Variants in AKNAD1 observed in about 807,000 individuals in gnomAD.
The protein encoded by AKNAD1 is protein AKNAD1.
In AKNAD1, 67 loss-of-function variants were observed where a neutral mutation model predicts 90.8. That is an observed-to-expected ratio of 0.74 (90% CI 0.61 to 0.90). The LOEUF is 0.90. Among genes scored for constraint, AKNAD1 ranks in the 40% least tolerant of loss-of-function variants. AKNAD1 has a pLI of 0.00. For synonymous variants in AKNAD1, 327 were observed against 341.4 expected (o/e 0.96, Z 0.46); for missense variants, 957 against 975.4 (o/e 0.98, Z 0.25).
chr1:108,817,489 T>A (rs1479174275), intron 14 of AKNAD1: 1 of 134,806 alleles, frequency 7.4e-6, no homozygotes, highest in African/African-American at 2.9e-5. Context: ...TTTCTTTTTT[T>A]TTTTTTAATT....
At chr1:108,856,658 A>G (rs549600189) in intron 1 of AKNAD1, among the ~76,000 whole-genome samples, 167 of 152,218 alleles carry the variant, frequency 1.1e-3, no homozygotes, top group African/African-American at 3.3e-3. Context: ...GTGAGCAGAG[A>G]TCATGCCACT....
chr1:108,826,700 A>G (rs1182973574), intron 11 of AKNAD1, among the ~76,000 whole-genome samples: 1 of 146,856 alleles, frequency 6.8e-6, no homozygotes, highest in Admixed American at 6.8e-5. Flanking sequence ...ACTTAACCAC[A>G]TCTTATTGAA....
chr1:108,833,055 G>A (rs1362812585), intron 9 of AKNAD1, among the ~76,000 whole-genome samples: 4 of 151,976 alleles, frequency 2.6e-5, no homozygotes, highest in Non-Finnish European at 4.4e-5. Flanking sequence ...TCAAAGAACT[G>A]GAAAAAACTA....
Position 108,848,780 on chromosome 1 carries a change from G to A in AKNAD1, c.1217C>T (p.Ser406Phe), listed in dbSNP as rs576852391. The change falls in exon 5 of 16, where the codon TCT (serine) becomes TTT (phenylalanine). Residue 406 changes from serine (S) to phenylalanine (F), a missense_variant. Physicochemically the swap from Ser to Phe is radical, Grantham distance 155. Coordinates refer to ENST00000370001, the MANE Select transcript of AKNAD1 (RefSeq NM_152763.5). Reference protein sequence around the residue: ...QEFSKRIKQDSPYHLQDKKLV... With the variant: ...QEFSKRIKQDFPYHLQDKKLV... The stretch of plus-strand genomic sequence containing the variant: ...CTTCTTGTCTTGCAAATGGTAAGGA[G>A]AGTCCTGTTTTATTCTTTTGGAAAA... 42 of 1,610,144 alleles carry A rather than the reference G, an allele frequency of 2.6e-5. No individual in the cohort carries two copies. The South Asian group carries it at 4.5e-4, about 17-fold the overall frequency.
At chr1:108,846,960 G>A (rs575378221) in intron 5 of AKNAD1, among the ~76,000 whole-genome samples, 1 of 152,046 alleles carries the variant, frequency 6.6e-6, no homozygotes, top group East Asian at 1.9e-4. Flanking sequence ...GCTCATCCAA[G>A]CCTCTTCCCT....
At position 108,834,910 on chromosome 1, in the gene AKNAD1, C is replaced by T. The variant is rs778408984; in HGVS notation, c.1664+19G>A. On this transcript the variant is annotated intron_variant, in intron 8 of 15. Transcript: ENST00000370001. ...TTTCTGTGTCCTGTGTCTGCTGGGG[C>T]TCCAGGGCTAGGACTCACGTCTGCG... 7 of 1,514,882 alleles carry T rather than the reference C, an allele frequency of 4.6e-6. No homozygotes were observed. The highest frequency in any genetic ancestry group is 5.3e-6 in the Non-Finnish European group (6 of 1,139,332). The allele number at this position is 1,514,882 out of a possible 1,614,324, so 93.8% of individuals were successfully genotyped here.
At position 108,852,183 on chromosome 1, in the gene AKNAD1, G is replaced by A; in HGVS notation, c.482C>T (p.Pro161Leu). ...IISCYNKNSWPKEQTPELTDQ... is the reference protein window; with the variant it reads ...IISCYNKNSWLKEQTPELTDQ... ...AGTGAGTTCTGGGGTTTGTTCTTTT[G>A]GCCAAGAATTCTTATTATAACATGA... The change falls in exon 2 of 16, where the codon CCA (proline) becomes CTA (leucine). Residue 161 changes from proline (P) to leucine (L), a missense_variant. Coordinates refer to ENST00000370001, the MANE Select transcript of AKNAD1 (RefSeq NM_152763.5). The A allele has an allele frequency of 6.2e-7, 1 of 1,613,596 alleles. No individual in the cohort carries two copies. Among genetic ancestry groups the A allele is most frequent in the South Asian group, 1.1e-5 (1 of 91,000 alleles).
chr1:108,845,582 C>T (rs148095337), intron 5 of AKNAD1, among the ~76,000 whole-genome samples: 16 of 152,302 alleles, frequency 1.1e-4, no homozygotes, highest in Non-Finnish European at 2.4e-4. Flanking sequence ...TAAACTAATG[C>T]CTTTGTTAAA....
At chr1:108,832,517 A>G (rs1398943796) in intron 9 of AKNAD1, among the ~76,000 whole-genome samples, 1 of 151,746 alleles carries the variant, frequency 6.6e-6, no homozygotes, top group East Asian at 1.9e-4. Flanking sequence ...GAGCCACTGC[A>G]CCCGGCCAGT....
At chr1:108,822,600 C>T (rs541087069) in intron 13 of AKNAD1, among the ~76,000 whole-genome samples, 12 of 152,264 alleles carry the variant, frequency 7.9e-5, no homozygotes, top group Middle Eastern at 3.4e-3. Flanking sequence ...GGGCACTGAC[C>T]ATCAAGAAAG....
At chr1:108,826,791 G>C (rs1664010901) in intron 11 of AKNAD1, among the ~76,000 whole-genome samples, 1 of 142,878 alleles carries the variant, frequency 7.0e-6, no homozygotes, top group Admixed American at 7.3e-5. Flanking sequence ...CCAGGCTGGA[G>C]TACGGTGGCA....
At chr1:108,824,114 T>C (rs191610865) in intron 11 of AKNAD1, among the ~76,000 whole-genome samples, 53 of 152,356 alleles carry the variant, frequency 3.5e-4, no homozygotes, top group Admixed American at 3.1e-3. Context: ...ACTGGAAAGA[T>C]GGGTTTCTTC....
chr1:108,817,322 C>T (rs2101151842), intron 14 of AKNAD1, 145 bp from the exon 15 acceptor site: 1 of 1,019,048 alleles, frequency 9.8e-7, no homozygotes. Flanking sequence ...AGCTCTCATA[C>T]TCCCATGTGG....
In AKNAD1 at chr1:108,843,148, G is replaced by A; in HGVS notation, c.1365C>T (p.Asp455=). 1 of 1,614,116 alleles carries A rather than the reference G, an allele frequency of 6.2e-7. No individual in the cohort carries two copies. Among genetic ancestry groups the A allele is most frequent in the Non-Finnish European group, 8.5e-7 (1 of 1,179,998 alleles). Residue 455 remains aspartate (D), a synonymous_variant, in exon 6 of 16, where the codon GAC becomes GAT. Coordinates refer to ENST00000370001, the MANE Select transcript of AKNAD1 (RefSeq NM_152763.5). ...VHKHESTIVG[D]FDPERKVEGE... is the part of the protein sequence containing the mutation. ...TTAAATCTGACCTTTCTGGATCAAAGTCACCAACGATTGTTGATTCGTGCT... is the reference window on the plus strand; with the variant it reads ...TTAAATCTGACCTTTCTGGATCAAAATCACCAACGATTGTTGATTCGTGCT...
chr1:108,847,684 C>A (rs756714195), intron 5 of AKNAD1, among the ~76,000 whole-genome samples: 2 of 152,100 alleles, frequency 1.3e-5, no homozygotes, highest in South Asian at 4.1e-4. Flanking sequence ...TTCTAGAATA[C>A]CCCTTGGTCT....
At chr1:108,843,357 T>C (rs1664609196) in intron 5 of AKNAD1, 90 bp from the exon 6 acceptor site, 1 of 1,487,206 alleles carries the variant, frequency 6.7e-7, no homozygotes, top group African/African-American at 1.4e-5. Context: ...TACCCTACAG[T>C]AGTGTCAAAA....
chr1:108,822,816 C>T (rs1663859968), intron 13 of AKNAD1, among the ~76,000 whole-genome samples: 1 of 152,158 alleles, frequency 6.6e-6, no homozygotes, highest in African/African-American at 2.4e-5. Context: ...TTTGAGCTCT[C>T]CTTATTTGGG....
Position 108,830,296 on chromosome 1 carries a change from C to A in AKNAD1, c.1838+263G>T, listed in dbSNP as rs116507045. The stretch of plus-strand genomic sequence containing the variant: ...ATTCCTACCAGAGCCCCACCGCTGG[C>A]GATGCTGAGACAGTAGGTGGGATGG... On this transcript the variant is annotated intron_variant, in intron 10 of 15. Coordinates refer to ENST00000370001, the MANE Select transcript of AKNAD1 (RefSeq NM_152763.5). Among the ~76,000 whole-genome samples the A allele has an allele frequency of 7.7e-3, 1,175 of 152,278 alleles. 15 individuals are homozygous for A. The highest frequency in any genetic ancestry group is 7.3e-3 in the Non-Finnish European group (498 of 68,018).
intron 1 of AKNAD1, among the ~76,000 whole-genome samples, chr1:108,854,417 T>C (rs1664972730): frequency 6.6e-6 from 1 of 152,172 alleles, no homozygotes; most frequent in Non-Finnish European, 1.5e-5. Context: ...CCAACCAAAT[T>C]TTTATGAGTC....
Sources: gnomAD v4.1 joint callset for allele counts (sites outside exome capture counted in the v4.1 genomes callset) on GRCh38, gnomAD v4.1.1 for gene constraint, MANE v1.5 for transcripts, NCBI Gene and HGNC (gene_info 2026-07-23, HGNC 2026-07-21) for gene names.